SLC41A2: variants seen among roughly 807,000 people sequenced by gnomAD.
The protein encoded by SLC41A2 is solute carrier family 41 member 2, also known as SLC41A1-like 1.
Under a neutral mutation model 58.3 loss-of-function variants are expected in SLC41A2, and 32 were observed. That is an observed-to-expected ratio of 0.55 (90% CI 0.41 to 0.74). SLC41A2 has a LOEUF of 0.74. Ranked by LOEUF, SLC41A2 falls within the 30% of genes least tolerant of loss-of-function variation. The pLI is 0.00. For synonymous variants in SLC41A2, 190 were observed against 235.0 expected (o/e 0.81, Z 1.75); for missense variants, 514 against 680.6 (o/e 0.76, Z 2.72).
At position 104,906,003 on chromosome 12, in the gene SLC41A2, A is replaced by T. The variant is rs541114965; in HGVS notation, c.663+3652T>A. ...CTGAAGGGCTCCTCTAATGCCACCA[A>T]AGTGGGAGCCCAGGCAGGGGAGGTG... On this transcript the variant is annotated intron_variant, in intron 3 of 10. Coordinates refer to ENST00000258538, the MANE Select transcript of SLC41A2 (RefSeq NM_001352171.3). Among the ~76,000 whole-genome samples the T allele has an allele frequency of 1.1e-3, 168 of 152,324 alleles. 1 individual carries two copies. Among genetic ancestry groups the T allele is most frequent in the Non-Finnish European group, 1.9e-3 (129 of 68,022 alleles).
At chr12:104,930,184 T>A (rs925835153) in intron 1 of SLC41A2, among the ~76,000 whole-genome samples, 2 of 152,230 alleles carry the variant, frequency 1.3e-5, no homozygotes, top group African/African-American at 4.8e-5. Flanking sequence ...ATGATTATGG[T>A]GCAGACTTCC....
At chr12:104,870,647 C>G (rs1299284676) in intron 6 of SLC41A2, among the ~76,000 whole-genome samples, 1 of 152,198 alleles carries the variant, frequency 6.6e-6, no homozygotes, top group African/African-American at 2.4e-5. Flanking sequence ...CTGATGCCTC[C>G]TAACTGGCAA....
chr12:104,917,319 GA>G (rs1422540685), intron 2 of SLC41A2, among the ~76,000 whole-genome samples: 1 of 151,550 alleles, frequency 6.6e-6, no homozygotes, highest in African/African-American at 2.4e-5. Flanking sequence ...AAAAAGTCAG[GA>G]AACAACAGGT....
intron 2 of SLC41A2, among the ~76,000 whole-genome samples, chr12:104,924,758 A>G (rs2046762733): frequency 6.6e-6 from 1 of 151,612 alleles, no homozygotes; most frequent in African/African-American, 2.4e-5. Context: ...AAAAAAAAAG[A>G]GTCTGGAAGC....
At chr12:104,957,515 A>G (rs1229579392) in intron 1 of SLC41A2, among the ~76,000 whole-genome samples, 1 of 152,224 alleles carries the variant, frequency 6.6e-6, no homozygotes, top group Non-Finnish European at 1.5e-5. Context: ...CATGTGATGT[A>G]TATCTCAATT....
At chr12:104,813,946 G>A (rs2468092) in intron 10 of SLC41A2, among the ~76,000 whole-genome samples, 119,855 of 152,198 alleles carry the variant, frequency 0.79, 48,084 homozygotes, top group African/African-American at 0.95. Flanking sequence ...ACAACTGGCT[G>A]TTAAAAAATT....
At chr12:104,812,985 C>T (rs2041239272) in intron 10 of SLC41A2, among the ~76,000 whole-genome samples, 1 of 152,014 alleles carries the variant, frequency 6.6e-6, no homozygotes, top group Admixed American at 6.6e-5. Context: ...TTGAGACCAG[C>T]CTGGCCAACA....
chr12:104,808,686 C>A (rs1007156052), intron 10 of SLC41A2, among the ~76,000 whole-genome samples: 1 of 152,132 alleles, frequency 6.6e-6, no homozygotes, highest in Non-Finnish European at 1.5e-5. Flanking sequence ...GGCTGTGAAT[C>A]CATCTGGTCC....
rs551135124 is a variant in SLC41A2 at position 104,908,385 on chromosome 12, G to A, written c.663+1270C>T. Among the ~76,000 whole-genome samples, 488 of 152,366 alleles carry A rather than the reference G, an allele frequency of 3.2e-3. 5 individuals are homozygous for A. The highest frequency in any genetic ancestry group is 4.2e-3 in the Non-Finnish European group (285 of 68,040). On this transcript the variant is annotated intron_variant, in intron 3 of 10. Transcript: ENST00000258538. ...AACTGGCAGTTGCCTGGGTGGAAAA[G>A]GGGGAGAGGAGAAGTGGGACAGAGG...
intron 4 of SLC41A2, among the ~76,000 whole-genome samples, chr12:104,892,579 T>C (rs921926072): frequency 1.3e-5 from 2 of 151,838 alleles, no homozygotes; most frequent in South Asian, 4.1e-4. Context: ...AGAACAAAAC[T>C]GGAGGAATCA....
rs61938787 is a variant in SLC41A2, at chr12:104,903,843, G to C, written c.663+5812C>G. On this transcript the variant is annotated intron_variant, in intron 3 of 10. Transcript: ENST00000258538. ...AAGAAATACTAAGTTAGATCACCCT[G>C]CAGCAGAGTAGAGACCACAGATGGC... is the stretch of plus-strand genomic sequence containing the variant. 3.2e-3 allele frequency among the ~76,000 whole-genome samples: 485 copies of C among 152,284 alleles called. 4 individuals carry two copies. Among genetic ancestry groups the C allele is most frequent in the Admixed American group, 4.4e-3 (67 of 15,298 alleles).
chr12:104,825,553 T>C (rs113470747), intron 10 of SLC41A2, among the ~76,000 whole-genome samples: 1 of 152,196 alleles, frequency 6.6e-6, no homozygotes, highest in African/African-American at 2.4e-5. Context: ...CTTTTCCATG[T>C]GAGAGGGCTC....
rs1488195358 is a variant in SLC41A2, at chr12:104,802,642, G to C, written c.*2510C>G. 1.3e-5 allele frequency: 2 copies of C among 151,998 alleles called. No homozygotes were observed. Among genetic ancestry groups the C allele is most frequent in the African/African-American group, 4.8e-5 (2 of 41,386 alleles). 9.4% of individuals were successfully genotyped at this position (151,998 alleles called of 1,614,324 possible). A position where few individuals can be genotyped will look rare whatever the true frequency, so the allele number is the denominator to read the frequency against. ...AGCAATGATAGATTTTACAAATTAA[G>C]GCATTGTTCTTTATTTCAAAATTTT... is the stretch of plus-strand genomic sequence containing the variant. On this transcript the variant is annotated 3_prime_UTR_variant, in exon 11 of 11. Transcript: ENST00000258538.
chr12:104,845,737 G>T, intron 9 of SLC41A2, 106 bp downstream of exon 9: 1 of 1,226,228 alleles, frequency 8.2e-7, no homozygotes, highest in Non-Finnish European at 1.1e-6. Flanking sequence ...AAATCGGAAA[G>T]TTGAGCAACT....
chr12:104,859,406 T>C (rs2043127643), intron 8 of SLC41A2, among the ~76,000 whole-genome samples: 1 of 152,190 alleles, frequency 6.6e-6, no homozygotes, highest in South Asian at 2.1e-4. Context: ...GATGGCTATA[T>C]TGAGACATTA....
intron 8 of SLC41A2, among the ~76,000 whole-genome samples, chr12:104,858,848 A>G (rs1019777516): frequency 6.6e-5 from 10 of 152,210 alleles, no homozygotes; most frequent in Admixed American, 1.3e-4. Flanking sequence ...ACACAATGCC[A>G]CAGCACAGAC....
intron 7 of SLC41A2, among the ~76,000 whole-genome samples, chr12:104,861,864 T>G (rs1031670818): frequency 5.9e-5 from 9 of 152,212 alleles, no homozygotes; most frequent in African/African-American, 1.7e-4. Context: ...AAACTAGATA[T>G]TGTTAGGATG....
intron 5 of SLC41A2, among the ~76,000 whole-genome samples, chr12:104,887,718 A>G (rs760721979): frequency 1.3e-5 from 2 of 152,014 alleles, no homozygotes; most frequent in African/African-American, 2.4e-5. Flanking sequence ...AATATTTTGT[A>G]TGTATCATAG....
At chr12:104,855,487 C>T (rs549293802) in intron 8 of SLC41A2, among the ~76,000 whole-genome samples, 3 of 152,158 alleles carry the variant, frequency 2.0e-5, no homozygotes, top group South Asian at 2.1e-4. Context: ...TACCCTTGAA[C>T]GTTATATAAA....
Sources: allele counts gnomAD v4.1 joint callset (sites outside exome capture counted in the v4.1 genomes callset), GRCh38; gene constraint gnomAD v4.1.1; transcripts MANE v1.5; gene names NCBI Gene and HGNC (gene_info 2026-07-23, HGNC 2026-07-21).